Variants in ANKH observed in about 807,000 individuals in gnomAD.
ANKH encodes the protein ANKH inorganic pyrophosphate transport regulator.
Under a neutral mutation model 49.0 loss-of-function variants are expected in ANKH, and 15 were observed. That is an observed-to-expected ratio of 0.31 (90% confidence interval 0.20 to 0.47). The LOEUF is 0.47. ANKH is among the 20% of genes least tolerant of loss of function. ANKH has a pLI of 1.00. For missense variants in ANKH, 429 were observed against 652.0 expected, an observed-to-expected ratio of 0.66 and a Z score of 3.72; for synonymous variants, 273 against 260.0, an observed-to-expected ratio of 1.05 and a Z score of -0.48.
At chr5:14,814,924 C>T (rs1266514118) in intron 1 of ANKH, among the ~76,000 whole-genome samples, 1 of 152,190 alleles carries the variant, frequency 6.6e-6, no homozygotes, top group Non-Finnish European at 1.5e-5. Flanking sequence ...CAATATTTTA[C>T]TAAACAAGGC....
intron 1 of ANKH, among the ~76,000 whole-genome samples, chr5:14,840,201 T>C (rs571662640): frequency 3.3e-5 from 5 of 152,258 alleles, no homozygotes; most frequent in Non-Finnish European, 5.9e-5. Flanking sequence ...TGCTCTTCTA[T>C]CCTCAACAAG....
At chr5:14,755,061 CAAA>C (rs71603737) in intron 4 of ANKH, among the ~76,000 whole-genome samples, 6 of 90,728 alleles carry the variant, frequency 6.6e-5, no homozygotes, top group Non-Finnish European at 1.0e-4. Flanking sequence ...AACTCTGTCT[CAAA>C]AAAAAAAAAA....
chr5:14,765,021 C>T (rs968729447), intron 2 of ANKH, among the ~76,000 whole-genome samples: 3 of 152,208 alleles, frequency 2.0e-5, no homozygotes, highest in African/African-American at 7.2e-5. Context: ...TTAATTTGGA[C>T]CCAAATGGAA....
chr5:14,816,064 A>G (rs1383385414), intron 1 of ANKH, among the ~76,000 whole-genome samples: 1 of 152,236 alleles, frequency 6.6e-6, no homozygotes, highest in African/African-American at 2.4e-5. Context: ...ACTGGGGATA[A>G]GCTGAAAAAT....
chr5:14,836,440 G>T (rs1741656219), intron 1 of ANKH, among the ~76,000 whole-genome samples: 1 of 152,200 alleles, frequency 6.6e-6, no homozygotes, highest in African/African-American at 2.4e-5. Context: ...CAAAATCAAT[G>T]TGCAAAAATC....
At chr5:14,729,412 T>C (rs1737924284) in intron 8 of ANKH, among the ~76,000 whole-genome samples, 1 of 150,286 alleles carries the variant, frequency 6.7e-6, no homozygotes, top group Non-Finnish European at 1.5e-5. Context: ...GGTCTCGAAC[T>C]CCTGACCTCA....
At chr5:14,827,158 GCTT>G (rs2126593516) in intron 1 of ANKH, among the ~76,000 whole-genome samples, 1 of 152,314 alleles carries the variant, frequency 6.6e-6, no homozygotes, top group Non-Finnish European at 1.5e-5. Flanking sequence ...CCAGTCCATG[GCTT>G]CTTCTTTCCG....
rs1740875624 is a variant in ANKH, at chr5:14,811,254, T to C, written c.97-42063A>G. On this transcript the variant is annotated intron_variant, in intron 1 of 11. Coordinates refer to ENST00000284268, the MANE Select transcript of ANKH (RefSeq NM_054027.6). ...CTTCATATTCCTTATTCATACACGA[T>C]AAAAAGACAGTGCTGACCAATAACC... is the stretch of plus-strand genomic sequence containing the variant. Among the ~76,000 whole-genome samples, 3 of 150,420 alleles carry C rather than the reference T, an allele frequency of 2.0e-5. No homozygotes were observed. The South Asian group carries it at 6.2e-4, about 31-fold the overall frequency.
At chr5:14,834,676 G>A (rs755462203) in intron 1 of ANKH, among the ~76,000 whole-genome samples, 6 of 152,114 alleles carry the variant, frequency 3.9e-5, no homozygotes, top group Non-Finnish European at 5.9e-5. Context: ...AGCTACTCAG[G>A]AGGCTGAGGC....
At chr5:14,796,963 T>A (rs1399184898) in intron 1 of ANKH, among the ~76,000 whole-genome samples, 1 of 152,204 alleles carries the variant, frequency 6.6e-6, no homozygotes, top group Non-Finnish European at 1.5e-5. Flanking sequence ...CCCCCATTAA[T>A]ATTTAGAAAA....
At position 14,745,739 on chromosome 5, in the gene ANKH, C is replaced by T. The variant is rs968015523; in HGVS notation, c.915+131G>A. On this transcript the variant is annotated intron_variant, in intron 7 of 11. Coordinates refer to ENST00000284268, the MANE Select transcript of ANKH (RefSeq NM_054027.6). This position sits in a 1 kb window ranked among gnomAD's most constrained non-coding sequence, Gnocchi z 4.7. ...TGAGGAAAATATTCCTTCAATGCCCCCAACGTCACATTAACCTTACAAAGG... is the reference window on the plus strand; with the variant it reads ...TGAGGAAAATATTCCTTCAATGCCCTCAACGTCACATTAACCTTACAAAGG... 10 of 797,366 alleles carry T rather than the reference C, an allele frequency of 1.3e-5. No homozygotes were observed. In the African/African-American group the frequency reaches 1.7e-4, roughly 13 times the overall value. 49.4% of individuals were successfully genotyped at this position (797,366 alleles called of 1,614,324 possible). A position where few individuals can be genotyped will look rare whatever the true frequency, so the allele number is the denominator to read the frequency against.
In ANKH at chr5:14,712,901, G is replaced by C; in HGVS notation, c.1338C>G (p.Ile446Met). The change falls in exon 11 of 12, where the codon ATC (isoleucine) becomes ATG (methionine). Residue 446 changes from isoleucine to methionine, a missense_variant. Ile to Met is a conservative substitution (Grantham distance 10). Transcript: ENST00000284268. ...GCTTCCGGTAGACATAGCACGCAGC[G>C]ATGGCGACCATGGTGGATTCTCCCA... is the stretch of plus-strand genomic sequence containing the variant. Reference protein sequence around the residue: ...GFVGESTMVAIAACYVYRKQK... With the variant: ...GFVGESTMVAMAACYVYRKQK... 1.2e-6 allele frequency: 2 copies of C among 1,612,554 alleles called. No homozygotes were observed. Among genetic ancestry groups the C allele is most frequent in the Middle Eastern group, 1.7e-4 (1 of 6,056 alleles).
chr5:14,857,613 G>A (rs1470351875), intron 1 of ANKH, among the ~76,000 whole-genome samples: 5 of 151,548 alleles, frequency 3.3e-5, no homozygotes, highest in Non-Finnish European at 5.9e-5. Context: ...AGTGGAGATC[G>A]CGCCACTGCA....
intron 1 of ANKH, among the ~76,000 whole-genome samples, chr5:14,842,876 T>C (rs1741852528): frequency 6.6e-6 from 1 of 152,190 alleles, no homozygotes; most frequent in Non-Finnish European, 1.5e-5. Flanking sequence ...GAGAACACAA[T>C]GTTCTGAACA....
At chr5:14,860,172 G>A (rs1405126191) in intron 1 of ANKH, among the ~76,000 whole-genome samples, 2 of 152,220 alleles carry the variant, frequency 1.3e-5, no homozygotes, top group Non-Finnish European at 2.9e-5. Flanking sequence ...GTGATGCAAG[G>A]CTGCATCCAA....
At chr5:14,863,620 T>C (rs1735565383) in intron 1 of ANKH, among the ~76,000 whole-genome samples, 1 of 152,158 alleles carries the variant, frequency 6.6e-6, no homozygotes, top group Admixed American at 6.5e-5. Context: ...CTATTGCATC[T>C]CTGCAGAAAC....
intron 1 of ANKH, among the ~76,000 whole-genome samples, chr5:14,865,551 G>T (rs1208665014): frequency 6.6e-6 from 1 of 152,186 alleles, no homozygotes; most frequent in Non-Finnish European, 1.5e-5. Context: ...ACTTTAGGAA[G>T]TGGATCTTAC....
At chr5:14,830,966 GA>G (rs1173029062) in intron 1 of ANKH, among the ~76,000 whole-genome samples, 1 of 152,168 alleles carries the variant, frequency 6.6e-6, no homozygotes, top group Non-Finnish European at 1.5e-5. Context: ...GCCCCATGTG[GA>G]ATCCCTTCCT....
chr5:14,747,963 GA>G (rs2126478038), intron 6 of ANKH, among the ~76,000 whole-genome samples: 1 of 152,264 alleles, frequency 6.6e-6, no homozygotes, highest in African/African-American at 2.4e-5. Context: ...GGGAGTCAAG[GA>G]AATGTACATA....
Sources: allele counts gnomAD v4.1 joint callset (sites outside exome capture counted in the v4.1 genomes callset), GRCh38; gene constraint gnomAD v4.1.1; non-coding constraint Gnocchi (gnomAD v3.1); transcripts MANE v1.5; gene names NCBI Gene and HGNC (gene_info 2026-07-23, HGNC 2026-07-21).